Variants in POU6F2 observed in about 807,000 individuals in gnomAD.
POU6F2 encodes the protein POU class 6 homeobox 2.
Under a neutral mutation model 71.3 loss-of-function variants are expected in POU6F2, and 31 were observed. The observed-to-expected ratio is 0.43, with a 90% CI of 0.33 to 0.59. The LOEUF (loss-of-function observed/expected upper bound fraction) is 0.59, where lower values mean the gene tolerates loss of function less well. Among genes scored for constraint, POU6F2 ranks in the 20% least tolerant of loss-of-function variants. POU6F2 has a pLI of 0.04. For missense variants in POU6F2, 783 were observed against 856.8 expected (o/e 0.91, Z 1.07); for synonymous variants, 347 against 355.7 (o/e 0.98, Z 0.27).
At chr7:39,380,580 C>T (rs1006167174) in intron 5 of POU6F2, among the ~76,000 whole-genome samples, 1 of 152,150 alleles carries the variant, frequency 6.6e-6, no homozygotes, top group African/African-American at 2.4e-5. Flanking sequence ...ATAAGGACAA[C>T]ATCAGTGTGA....
intron 4 of POU6F2, among the ~76,000 whole-genome samples, chr7:39,338,073 C>T (rs1562795299): frequency 6.6e-6 from 1 of 152,124 alleles, no homozygotes; most frequent in Non-Finnish European, 1.5e-5. Flanking sequence ...TGGAAATAAG[C>T]ATTAACATAT....
chr7:39,454,679 T>G (rs1478483620), intron 8 of POU6F2, among the ~76,000 whole-genome samples: 423 of 8,034 alleles, frequency 0.053, 47 homozygotes, highest in East Asian at 0.16. Flanking sequence ...TATATATATA[T>G]ATATATATAT....
intron 2 of POU6F2, among the ~76,000 whole-genome samples, chr7:39,183,808 G>A (rs186443548): frequency 3.3e-5 from 5 of 152,296 alleles, no homozygotes; most frequent in African/African-American, 7.2e-5. Flanking sequence ...GACAAAGAGT[G>A]AATTTTAAGT....
chr7:39,135,263 C>T (rs1792367541), intron 2 of POU6F2, among the ~76,000 whole-genome samples: 1 of 152,156 alleles, frequency 6.6e-6, no homozygotes, highest in Non-Finnish European at 1.5e-5. Flanking sequence ...AAATATTTAT[C>T]AAGTACTTAC....
chr7:39,337,213 C>T lies in POU6F2; in HGVS notation c.599-2429C>T, dbSNP rs535960823. Among the ~76,000 whole-genome samples, 16 of 152,226 alleles carry T rather than the reference C, an allele frequency of 1.1e-4. No individual in the cohort carries two copies. In the South Asian group the frequency reaches 1.2e-3, roughly 12 times the overall value. ...GGGAAGTTTCAAGACACGGCTTTAC[C>T]GTAACTCTCTCTTCTCTCTAGGAAA... On this transcript the variant is annotated intron_variant, in intron 4 of 9. Coordinates refer to ENST00000518318, the MANE Select transcript of POU6F2 (RefSeq NM_001370959.1).
chr7:39,441,450 A>G (rs1363190777), intron 7 of POU6F2, among the ~76,000 whole-genome samples: 1 of 152,156 alleles, frequency 6.6e-6, no homozygotes, highest in Non-Finnish European at 1.5e-5. Context: ...GAGCAAGGGA[A>G]GAAAAAAAAT....
intron 6 of POU6F2, among the ~76,000 whole-genome samples, chr7:39,424,672 T>C (rs1787927807): frequency 6.6e-6 from 1 of 152,172 alleles, no homozygotes; most frequent in South Asian, 2.1e-4. Flanking sequence ...ATATTCAGGA[T>C]CAAATCCTTT....
At chr7:39,197,236 T>G (rs900753539) in intron 2 of POU6F2, among the ~76,000 whole-genome samples, 1 of 152,158 alleles carries the variant, frequency 6.6e-6, no homozygotes, top group African/African-American at 2.4e-5. Flanking sequence ...TCAGGGGGCT[T>G]GGGCTCAGGT....
chr7:39,159,428 A>G (rs746586682), intron 2 of POU6F2, among the ~76,000 whole-genome samples: 15 of 152,218 alleles, frequency 9.9e-5, no homozygotes, highest in Non-Finnish European at 2.1e-4. Context: ...GCACCTGAAT[A>G]TATAATTAAC....
At chr7:39,248,630 A>T (rs1269419540) in intron 4 of POU6F2, among the ~76,000 whole-genome samples, 1 of 152,226 alleles carries the variant, frequency 6.6e-6, no homozygotes, top group Non-Finnish European at 1.5e-5. Flanking sequence ...CACCCACAGT[A>T]TGTGCCACAT....
At chr7:39,077,565 G>A (rs1367346178) in intron 1 of POU6F2, among the ~76,000 whole-genome samples, 1 of 152,138 alleles carries the variant, frequency 6.6e-6, no homozygotes, top group African/African-American at 2.4e-5. Flanking sequence ...AAGAGGACGT[G>A]GCATTCATGG....
At chr7:39,299,499 G>C (rs1245668052) in intron 4 of POU6F2, among the ~76,000 whole-genome samples, 1 of 152,186 alleles carries the variant, frequency 6.6e-6, no homozygotes, top group Non-Finnish European at 1.5e-5. Flanking sequence ...GAAACAGCTA[G>C]AAGTGTGTCA....
chr7:39,231,433 A>G (rs1794571876), intron 4 of POU6F2, among the ~76,000 whole-genome samples: 1 of 152,174 alleles, frequency 6.6e-6, no homozygotes, highest in South Asian at 2.1e-4. Flanking sequence ...TTGACATCAT[A>G]TTTAATCATC....
intron 4 of POU6F2, among the ~76,000 whole-genome samples, chr7:39,234,685 C>G (rs1427749927): frequency 1.3e-5 from 2 of 152,112 alleles, no homozygotes; most frequent in Non-Finnish European, 2.9e-5. Flanking sequence ...TCCAATGATT[C>G]CACTGACCCC....
chr7:39,112,605 A>G (rs1791840665), intron 2 of POU6F2, among the ~76,000 whole-genome samples: 1 of 152,182 alleles, frequency 6.6e-6, no homozygotes, highest in South Asian at 2.1e-4. Context: ...CTTACAGCAT[A>G]AGAATTGAGT....
intron 1 of POU6F2, among the ~76,000 whole-genome samples, chr7:38,996,446 C>G (rs1360439112): frequency 6.6e-6 from 1 of 152,092 alleles, no homozygotes; most frequent in African/African-American, 2.4e-5. Flanking sequence ...AAGAGTCATT[C>G]CCAAGGTTTG....
intron 2 of POU6F2, among the ~76,000 whole-genome samples, chr7:39,157,247 G>A (rs558986909): frequency 3.9e-5 from 6 of 152,188 alleles, no homozygotes; most frequent in African/African-American, 1.4e-4. Context: ...AATGTCTGTG[G>A]GGAGGATCCG....
intron 1 of POU6F2, among the ~76,000 whole-genome samples, chr7:39,044,935 A>G (rs1790260506): frequency 6.6e-6 from 1 of 151,898 alleles, no homozygotes; most frequent in Non-Finnish European, 1.5e-5. Context: ...ATCTGTGGTC[A>G]TTCCAGGGGC....
rs185599239 is a variant in POU6F2 at position 39,419,630 on chromosome 7, A to G, written c.1113+12890A>G. ...ATTACTATATCTCATGAAAATGGCA[A>G]TTGTTTATTTAGTTAACTCACTTCA... On this transcript the variant is annotated intron_variant, in intron 6 of 9. Coordinates refer to ENST00000518318, the MANE Select transcript of POU6F2 (RefSeq NM_001370959.1). Among the ~76,000 whole-genome samples, 32 of 152,250 alleles carry G rather than the reference A, an allele frequency of 2.1e-4. No individual in the cohort carries two copies. In the East Asian group the frequency reaches 5.2e-3, roughly 25 times the overall value.
Sources: gnomAD v4.1 joint callset for allele counts (sites outside exome capture counted in the v4.1 genomes callset) on GRCh38, gnomAD v4.1.1 for gene constraint, MANE v1.5 for transcripts, NCBI Gene and HGNC (gene_info 2026-07-23, HGNC 2026-07-21) for gene names.